POFUT2: variants seen among roughly 807,000 people sequenced by gnomAD.
POFUT2 encodes GDP-fucose protein O-fucosyltransferase 2.
POFUT2 carries 30 observed loss-of-function variants against 55.0 expected under a neutral mutation model. That is an observed-to-expected ratio of 0.55 (90% CI 0.41 to 0.74). The LOEUF is 0.74. POFUT2 is among the 30% of genes least tolerant of loss of function. The pLI, the probability that POFUT2 is intolerant of heterozygous loss-of-function variation, is 0.00. For missense variants in POFUT2, 524 were observed against 562.6 expected (o/e 0.93, Z 0.69); for synonymous variants, 267 against 231.1 (o/e 1.16, Z -1.41).
rs564805361 is a variant in POFUT2, at chr21:45,285,666, G to A, written c.382+12C>T. ...AGCAACCACGGCCTCCCAGCGTGCC[G>A]CTCGGCCTCACCTGCGATGAACTGC... is the stretch of plus-strand genomic sequence containing the variant. On this transcript the variant is annotated intron_variant, in intron 2 of 8. Coordinates refer to ENST00000349485, the MANE Select transcript of POFUT2 (RefSeq NM_133635.6). The surrounding 1 kb of genome is among the most constrained non-coding windows in gnomAD (Gnocchi z 4.9). 12 of 1,613,396 alleles carry A rather than the reference G, an allele frequency of 7.4e-6. No individual in the cohort carries two copies. The highest frequency in any genetic ancestry group is 5.3e-5 in the African/African-American group (4 of 75,028).
rs750513511 is a variant in POFUT2 at position 45,278,153 on chromosome 21, T to C, written c.655A>G (p.Arg219Gly). 1 of 1,613,198 alleles carries C rather than the reference T, an allele frequency of 6.2e-7. No homozygotes were observed. Among genetic ancestry groups the C allele is most frequent in the Non-Finnish European group, 8.5e-7 (1 of 1,179,268 alleles). ...NTSARSVMLD[R>G]AENLLHDHYG... Reference sequence around the variant, plus strand: ...TGGTCGTGAAGTAGGTTCTCGGCTCTGTCTAACATCACGGACCTGTTTTTA... The same window carrying C: ...TGGTCGTGAAGTAGGTTCTCGGCTCCGTCTAACATCACGGACCTGTTTTTA... The change falls in exon 5 of 9, where the codon AGA becomes GGA. Residue 219 changes from arginine to glycine, a missense_variant. Physicochemically the swap from Arg to Gly is moderately radical, Grantham distance 125. This residue lies in a region of POFUT2 where 250 missense variants were observed against 318.2 expected (regional missense o/e 0.79). Coordinates refer to ENST00000349485, the MANE Select transcript of POFUT2 (RefSeq NM_133635.6).
rs374350727 is a variant in POFUT2, at chr21:45,267,421, G to A, written c.1136+169C>T. 1.3e-5 allele frequency: 21 copies of A among 1,610,056 alleles called. No individual in the cohort carries two copies. The highest frequency in any genetic ancestry group is 1.7e-5 in the Admixed American group (1 of 59,832). On this transcript the variant is annotated intron_variant, in intron 8 of 8. Coordinates refer to ENST00000349485, the MANE Select transcript of POFUT2 (RefSeq NM_133635.6). This position sits in a 1 kb window ranked among gnomAD's most constrained non-coding sequence, Gnocchi z 4.4. ...AGATGAACAATTAACTTCAGCCCAG[G>A]GAAACACTGAACCAGATGCTACAGG... is the stretch of plus-strand genomic sequence containing the variant.
intron 1 of POFUT2, among the ~76,000 whole-genome samples, chr21:45,286,197 A>T (rs2146701286): frequency 6.6e-6 from 1 of 152,354 alleles, no homozygotes; most frequent in South Asian, 2.1e-4. Context: ...CCCAAGAATC[A>T]GTACCCACAT....
Position 45,270,187 on chromosome 21 carries a change from C to A in POFUT2, c.832-168G>T. On this transcript the variant is annotated intron_variant, in intron 6 of 8. Coordinates refer to ENST00000349485, the MANE Select transcript of POFUT2 (RefSeq NM_133635.6). The surrounding 1 kb of genome is among the most constrained non-coding windows in gnomAD (Gnocchi z 4.6). ...ATTCAGGTGGAATCTCGGGGGCGACCAGATGTCTTTCTAAGAAGACAGTGA... is the reference window on the plus strand; with the variant it reads ...ATTCAGGTGGAATCTCGGGGGCGACAAGATGTCTTTCTAAGAAGACAGTGA... 2 of 421,912 alleles carry A rather than the reference C, an allele frequency of 4.7e-6. No homozygotes were observed. The highest frequency in any genetic ancestry group is 8.2e-6 in the Non-Finnish European group (2 of 242,608). 26.1% of individuals were successfully genotyped at this position (421,912 alleles called of 1,614,324 possible). A position where few individuals can be genotyped will look rare whatever the true frequency, so the allele number is the denominator to read the frequency against.
rs769708020 is a variant in POFUT2, at chr21:45,285,852, G to A, written c.208C>T (p.Leu70=). ...RDVYIRIASL[L]KTLLKTEEWV... is the part of the protein sequence containing the mutation. ...TCCTCCGTCTTCAGCAGAGTCTTCA[G>A]GAGAGAGGCGATTCGGATATAGACA... Residue 70 remains leucine, a synonymous_variant, in exon 2 of 9, where the codon CTG becomes TTG. Transcript: ENST00000349485. The surrounding 1 kb of genome is among the most constrained non-coding windows in gnomAD (Gnocchi z 4.9). The A allele has an allele frequency of 3.1e-6, 5 of 1,613,358 alleles. No individual in the cohort carries two copies. Among genetic ancestry groups the A allele is most frequent in the Non-Finnish European group, 4.2e-6 (5 of 1,179,952 alleles).
rs752294862 is a variant in POFUT2 at position 45,287,862 on chromosome 21, G to C, written c.10C>G (p.Leu4Val). The C allele has an allele frequency of 1.0e-5, 14 of 1,392,218 alleles. No homozygotes were observed. The East Asian group carries it at 1.2e-4, about 12-fold the overall frequency. 86.2% of individuals were successfully genotyped at this position (1,392,218 alleles called of 1,614,324 possible). A position where few individuals can be genotyped will look rare whatever the true frequency, so the allele number is the denominator to read the frequency against. MAT[L>V]SFVFLLLGAV... ...CCCAGCAGCAGGAAGACGAAGCTGA[G>C]TGTCGCCATGGCCCCGGGCGGCCAC... The change falls in exon 1 of 9, where the codon CTC becomes GTC. Residue 4 changes from leucine to valine, a missense_variant. Leu to Val is a conservative substitution (Grantham distance 32). Coordinates refer to ENST00000349485, the MANE Select transcript of POFUT2 (RefSeq NM_133635.6).
Position 45,277,202 on chromosome 21 carries a change from A to C in POFUT2, c.706-60T>G. 3.8e-6 allele frequency: 6 copies of C among 1,585,308 alleles called. 1 individual carries two copies. In the South Asian group the frequency reaches 6.7e-5, roughly 18 times the overall value. On this transcript the variant is annotated intron_variant, in intron 5 of 8. Coordinates refer to ENST00000349485, the MANE Select transcript of POFUT2 (RefSeq NM_133635.6). This position sits in a 1 kb window ranked among gnomAD's most constrained non-coding sequence, Gnocchi z 6.9. Reference sequence around the variant, plus strand: ...CCCGCCCGCCACGCAGCCCTCCCGGAGCGGGTTCTCCTGTCGCTGCCACCA... The same window carrying C: ...CCCGCCCGCCACGCAGCCCTCCCGGCGCGGGTTCTCCTGTCGCTGCCACCA...
Position 45,285,612 on chromosome 21 carries a change from C to A in POFUT2, c.382+66G>T, listed in dbSNP as rs1366470178. The A allele has an allele frequency of 6.2e-7, 1 of 1,603,854 alleles. No individual in the cohort carries two copies. Among genetic ancestry groups the A allele is most frequent in the Admixed American group, 1.7e-5 (1 of 59,986 alleles). ...AATCGTAAGCCCAACCTGATGTCTA[C>A]CTTAGAAATGACTGCCTGGCCCCAG... On this transcript the variant is annotated intron_variant, in intron 2 of 8. Coordinates refer to ENST00000349485, the MANE Select transcript of POFUT2 (RefSeq NM_133635.6). The surrounding 1 kb of genome is among the most constrained non-coding windows in gnomAD (Gnocchi z 4.9).
chr21:45,276,660 CAA>C (rs2093267021), intron 6 of POFUT2, among the ~76,000 whole-genome samples: 1 of 152,160 alleles, frequency 6.6e-6, no homozygotes, highest in African/African-American at 2.4e-5. Context: ...TCAATCAAGT[CAA>C]GAGGGAAAAA....
In POFUT2 at chr21:45,265,757, C is replaced by G. The variant is rs1002467807; in HGVS notation, c.1137-122G>C. ...GTTCCACAGTTACATGGAACCAACA[C>G]GGCCGTCCCCCGAGCACCCACCAGC... On this transcript the variant is annotated intron_variant, in intron 8 of 8. Coordinates refer to ENST00000349485, the MANE Select transcript of POFUT2 (RefSeq NM_133635.6). The surrounding 1 kb of genome is among the most constrained non-coding windows in gnomAD (Gnocchi z 4.6). The G allele has an allele frequency of 6.8e-7, 1 of 1,461,470 alleles. No homozygotes were observed. Among genetic ancestry groups the G allele is most frequent in the Non-Finnish European group, 9.0e-7 (1 of 1,111,496 alleles). 90.5% of individuals were successfully genotyped at this position (1,461,470 alleles called of 1,614,324 possible).
chr21:45,277,185 C>T lies in POFUT2; in HGVS notation c.706-43G>A, dbSNP rs201111399. ...GCTCGGCTGAGAACACGCCCGCCCG[C>T]CACGCAGCCCTCCCGGAGCGGGTTC... On this transcript the variant is annotated intron_variant, in intron 5 of 8. Transcript: ENST00000349485. This position sits in a 1 kb window ranked among gnomAD's most constrained non-coding sequence, Gnocchi z 6.9. 4.3e-3 allele frequency: 6,937 copies of T among 1,597,206 alleles called. 22 individuals carry two copies. The highest frequency in any genetic ancestry group is 5.3e-3 in the Non-Finnish European group (6,235 of 1,174,232).
rs531292990 is a variant in POFUT2 at position 45,284,018 on chromosome 21, C to T, written c.383-491G>A. On this transcript the variant is annotated intron_variant, in intron 2 of 8. Transcript: ENST00000349485. This position sits in a 1 kb window ranked among gnomAD's most constrained non-coding sequence, Gnocchi z 5.8. ...GAGGCTCAGGTGAGCAGGAGTCGTG[C>T]CTCTTACCCACGGCCCGACCCGCAC... Among the ~76,000 whole-genome samples, 84 of 152,196 alleles carry T rather than the reference C, an allele frequency of 5.5e-4. No homozygotes were observed. Among genetic ancestry groups the T allele is most frequent in the Non-Finnish European group, 1.0e-3 (68 of 68,034 alleles).
At chr21:45,283,239 G>T in intron 3 of POFUT2, 144 bp downstream of exon 3, 1 of 437,808 alleles carries the variant, frequency 2.3e-6, no homozygotes, top group South Asian at 2.2e-5. Flanking sequence ...GCGGGGGGAG[G>T]CGGGGTGCTG....
chr21:45,269,053 C>T (rs1168045155), intron 7 of POFUT2, among the ~76,000 whole-genome samples: 4 of 114,732 alleles, frequency 3.5e-5, no homozygotes, highest in Admixed American at 7.6e-5. Flanking sequence ...GTCAGCCCCC[C>T]GCCTGGCCAG....
chr21:45,267,270 G>T lies in POFUT2; in HGVS notation c.1136+320C>A, dbSNP rs1204891096. Reference sequence around the variant, plus strand: ...CAGGGCACGGGCAACTCTCAGGGCAGGGGGCAGACAGGGGCAGAAACCGGG... The same window carrying T: ...CAGGGCACGGGCAACTCTCAGGGCATGGGGCAGACAGGGGCAGAAACCGGG... On this transcript the variant is annotated intron_variant, in intron 8 of 8. Coordinates refer to ENST00000349485, the MANE Select transcript of POFUT2 (RefSeq NM_133635.6). The surrounding 1 kb of genome is among the most constrained non-coding windows in gnomAD (Gnocchi z 4.4). 17 of 1,440,734 alleles carry T rather than the reference G, an allele frequency of 1.2e-5. No individual in the cohort carries two copies. The highest frequency in any genetic ancestry group is 1.4e-5 in the Non-Finnish European group (16 of 1,103,522). The allele number at this position is 1,440,734 out of a possible 1,614,324, so 89.2% of individuals were successfully genotyped here.
At position 45,278,084 on chromosome 21, in the gene POFUT2, C is replaced by T. The variant is rs374908158; in HGVS notation, c.705+19G>A. 105 of 1,604,110 alleles carry T rather than the reference C, an allele frequency of 6.5e-5. No homozygotes were observed. Among genetic ancestry groups the T allele is most frequent in the Admixed American group, 2.5e-4 (15 of 59,982 alleles). On this transcript the variant is annotated intron_variant, in intron 5 of 8. Transcript: ENST00000349485. Reference sequence around the variant, plus strand: ...CAACATACACTAACTGAGAAAAACGCTCCCGAGGAAACACTCACATCCCAG... The same window carrying T: ...CAACATACACTAACTGAGAAAAACGTTCCCGAGGAAACACTCACATCCCAG...
intron 3 of POFUT2, among the ~76,000 whole-genome samples, chr21:45,283,180 G>C (rs1170890534): frequency 4.7e-5 from 7 of 149,114 alleles, no homozygotes; most frequent in Admixed American, 4.7e-4. Context: ...CGAGGGCACT[G>C]CGGGGGAGGC....
In POFUT2 at chr21:45,267,415, G is replaced by A; in HGVS notation, c.1136+175C>T. On this transcript the variant is annotated intron_variant, in intron 8 of 8. Transcript: ENST00000349485. This position sits in a 1 kb window ranked among gnomAD's most constrained non-coding sequence, Gnocchi z 4.4. ...GGGGCAAGATGAACAATTAACTTCA[G>A]CCCAGGGAAACACTGAACCAGATGC... 1.2e-6 allele frequency: 2 copies of A among 1,608,788 alleles called. No homozygotes were observed. Among genetic ancestry groups the A allele is most frequent in the Non-Finnish European group, 1.7e-6 (2 of 1,176,212 alleles).
chr21:45,268,595 C>T (rs1396765470), intron 7 of POFUT2, among the ~76,000 whole-genome samples: 2 of 151,808 alleles, frequency 1.3e-5, no homozygotes, highest in South Asian at 2.1e-4. Flanking sequence ...TCTGCCCAGC[C>T]GCCCATCGTC....
Sources: allele counts gnomAD v4.1 joint callset (sites outside exome capture counted in the v4.1 genomes callset), GRCh38; gene constraint gnomAD v4.1.1; regional missense constraint gnomAD v4.1.1; non-coding constraint Gnocchi (gnomAD v3.1); transcripts MANE v1.5; gene names NCBI Gene and HGNC (gene_info 2026-07-23, HGNC 2026-07-21).